The following TCF12 variants were observed in gnomAD, a reference collection of about 807,000 sequenced individuals.
TCF12 encodes transcription factor 12, also known as DNA-binding protein HTF4.
Under a neutral mutation model 86.0 loss-of-function variants are expected in TCF12, and 45 were observed. The observed-to-expected ratio is 0.52, with a 90% CI of 0.41 to 0.67. The LOEUF (loss-of-function observed/expected upper bound fraction) is 0.67. Among genes scored for constraint, TCF12 ranks in the 30% least tolerant of loss-of-function variants. The pLI is 0.00. For missense variants in TCF12, 881 were observed against 859.9 expected, an observed-to-expected ratio of 1.02 and a Z score of -0.31; for synonymous variants, 330 against 299.6, an observed-to-expected ratio of 1.10 and a Z score of -1.05.
chr15:57,144,095 T>C (rs1253088278), intron 5 of TCF12, among the ~76,000 whole-genome samples: 1 of 152,202 alleles, frequency 6.6e-6, no homozygotes, highest in Non-Finnish European at 1.5e-5. Flanking sequence ...CTGGGAAACT[T>C]CTATTAGTTT....
intron 3 of TCF12, among the ~76,000 whole-genome samples, chr15:56,990,151 C>CTTTTTTTTTTTT (rs372235874): frequency 3.2e-5 from 3 of 92,722 alleles, no homozygotes; most frequent in Non-Finnish European, 6.6e-5. Flanking sequence ...ATAGTCTTGT[C>CTTTTTTTTTTTT]TTTTTTTTTT....
At chr15:57,053,617 C>CTT (rs35913345) in intron 3 of TCF12, among the ~76,000 whole-genome samples, 1 of 145,158 alleles carries the variant, frequency 6.9e-6, no homozygotes, top group Non-Finnish European at 1.5e-5. Context: ...AGCCCATCAC[C>CTT]TTTTTTTTTT....
rs548930096 is a variant in TCF12 at position 56,948,380 on chromosome 15, C to T, written c.148+27282C>T. On this transcript the variant is annotated intron_variant, in intron 3 of 20. Coordinates refer to ENST00000333725, the MANE Select transcript of TCF12 (RefSeq NM_207037.2). ...AAGGTTGCTCTGATGTCATAATGAT[C>T]GGAAAAAATGATCTAAAATCACCGT... is the stretch of plus-strand genomic sequence containing the variant. 2.0e-4 allele frequency among the ~76,000 whole-genome samples: 31 copies of T among 152,106 alleles called. 1 individual carries two copies. Among genetic ancestry groups the T allele is most frequent in the Admixed American group, 1.4e-3 (21 of 15,272 alleles).
Position 57,234,034 on chromosome 15 carries a change from A to C in TCF12, c.971-9A>C, listed in dbSNP as rs777300550. 3 of 1,612,032 alleles carry C rather than the reference A, an allele frequency of 1.9e-6. No homozygotes were observed. In the African/African-American group the frequency reaches 4.0e-5, roughly 22 times the overall value. ...AAATTCTTGATTTATTTCTCTATGAAATATCCAGGAACCAGAGGGAATGCT... is the reference window on the plus strand; with the variant it reads ...AAATTCTTGATTTATTTCTCTATGACATATCCAGGAACCAGAGGGAATGCT... On this transcript the variant is annotated splice_polypyrimidine_tract_variant and intron_variant, in intron 11 of 20. Transcript: ENST00000333725.
chr15:57,064,668 C>T (rs1162911415), intron 4 of TCF12, among the ~76,000 whole-genome samples: 8 of 151,510 alleles, frequency 5.3e-5, no homozygotes, highest in Admixed American at 4.6e-4. Flanking sequence ...TGGGGGTGGG[C>T]ATCTGTAGTC....
In TCF12 at chr15:57,283,496, C is replaced by T. The variant is rs1340024140; in HGVS notation, c.*11+898C>T. 1.3e-5 allele frequency among the ~76,000 whole-genome samples: 2 copies of T among 152,124 alleles called. 1 individual carries two copies. Among genetic ancestry groups the T allele is most frequent in the Non-Finnish European group, 2.9e-5 (2 of 68,032 alleles). On this transcript the variant is annotated intron_variant, in intron 20 of 20. Transcript: ENST00000333725. ...GCCAGGCTGGTCTCGAACTCCTAAC[C>T]TCAGGTGATCCACCCGCCTCAGCCT...
At chr15:57,224,198 A>G (rs889440492) in intron 8 of TCF12, among the ~76,000 whole-genome samples, 7 of 152,068 alleles carry the variant, frequency 4.6e-5, no homozygotes, top group Non-Finnish European at 1.0e-4. Context: ...CTTGTATATC[A>G]AAGGGGATCA....
chr15:57,272,229 T>A (rs2061176204), intron 18 of TCF12, among the ~76,000 whole-genome samples: 1 of 152,258 alleles, frequency 6.6e-6, no homozygotes, highest in South Asian at 2.1e-4. Context: ...TGTGATCATC[T>A]CCCTTTACAT....
chr15:57,230,780 G>T (rs2059099356), intron 8 of TCF12, among the ~76,000 whole-genome samples: 1 of 151,940 alleles, frequency 6.6e-6, no homozygotes, highest in Non-Finnish European at 1.5e-5. Flanking sequence ...CAGATTTTAT[G>T]TTATGCTATA....
intron 5 of TCF12, among the ~76,000 whole-genome samples, chr15:57,165,335 A>C (rs2054806964): frequency 6.6e-6 from 1 of 152,192 alleles, no homozygotes; most frequent in Admixed American, 6.5e-5. Flanking sequence ...CAGCTCAAAA[A>C]CATAATATAT....
intron 19 of TCF12, 51 bp downstream of exon 19, chr15:57,273,313 C>G (rs372430836): frequency 1.3e-6 from 2 of 1,557,342 alleles, no homozygotes; most frequent in Non-Finnish European, 1.8e-6. Context: ...GATGGGCAGA[C>G]ATTTCTGTTT....
intron 4 of TCF12, among the ~76,000 whole-genome samples, chr15:57,084,790 A>T (rs1353709045): frequency 6.7e-6 from 1 of 150,186 alleles, no homozygotes; most frequent in African/African-American, 2.5e-5. Flanking sequence ...TGTATATTAT[A>T]AATGTATATT....
chr15:57,203,327 GAA>G (rs1454820316), intron 8 of TCF12, among the ~76,000 whole-genome samples: 1 of 152,080 alleles, frequency 6.6e-6, no homozygotes, highest in African/African-American at 2.4e-5. Context: ...CTCAGATGCA[GAA>G]AAGTTTCTTT....
intron 3 of TCF12, among the ~76,000 whole-genome samples, chr15:56,990,076 A>G (rs2063367197): frequency 6.6e-6 from 1 of 151,982 alleles, no homozygotes; most frequent in Admixed American, 6.6e-5. Context: ...AATACCTTAA[A>G]ATGTATTCAG....
At chr15:56,953,130 G>A (rs2061356519) in intron 3 of TCF12, among the ~76,000 whole-genome samples, 1 of 152,050 alleles carries the variant, frequency 6.6e-6, no homozygotes, top group African/African-American at 2.4e-5. Flanking sequence ...TTGTTAATTC[G>A]TTAGTATGGC....
chr15:57,246,851 A>C (rs1413768858), intron 13 of TCF12: 3 of 360,056 alleles, frequency 8.3e-6, no homozygotes, highest in South Asian at 2.3e-5. Context: ...GCAGATTTTT[A>C]CAGTTCCTCT....
chr15:57,068,730 A>G (rs561376671), intron 4 of TCF12, among the ~76,000 whole-genome samples: 1 of 152,284 alleles, frequency 6.6e-6, no homozygotes, highest in South Asian at 2.1e-4. Context: ...AGCTTGAAGT[A>G]GGTGGTGGTG....
intron 5 of TCF12, among the ~76,000 whole-genome samples, chr15:57,149,288 A>G (rs1163505790): frequency 6.6e-6 from 1 of 152,068 alleles, no homozygotes; most frequent in African/African-American, 2.4e-5. Flanking sequence ...GGGGCCAGGA[A>G]TTAAAGACCT....
In TCF12 at chr15:57,132,115, C is replaced by T. The variant is rs1031432407; in HGVS notation, c.326-34287C>T. Among the ~76,000 whole-genome samples the T allele has an allele frequency of 3.3e-5, 5 of 152,248 alleles. No individual in the cohort carries two copies. In the East Asian group the frequency reaches 7.7e-4, roughly 24 times the overall value. On this transcript the variant is annotated intron_variant, in intron 5 of 20. Transcript: ENST00000333725. Reference sequence around the variant, plus strand: ...GTAGTGAGCTAAAATTGTGCCACTACACTCCGGTTTGGGTGACAGAGCAAG... The same window carrying T: ...GTAGTGAGCTAAAATTGTGCCACTATACTCCGGTTTGGGTGACAGAGCAAG...
Sources: gnomAD v4.1 joint callset for allele counts (sites outside exome capture counted in the v4.1 genomes callset) on GRCh38, gnomAD v4.1.1 for gene constraint, MANE v1.5 for transcripts, NCBI Gene and HGNC (gene_info 2026-07-23, HGNC 2026-07-21) for gene names.